The following INA variants were observed in gnomAD, a reference collection of about 807,000 sequenced individuals.
The protein encoded by INA is alpha-internexin.
INA carries 35 observed loss-of-function variants against 40.1 expected under a neutral mutation model. That is an observed-to-expected ratio of 0.87 (90% confidence interval 0.67 to 1.16). The LOEUF (loss-of-function observed/expected upper bound fraction) is 1.16, where lower values mean the gene tolerates loss of function less well. INA is among the 50% of genes most tolerant of loss of function. The pLI, the probability that INA is intolerant of heterozygous loss-of-function variation, is 0.00. For synonymous variants in INA, 290 were observed against 316.9 expected (o/e 0.92, Z 0.90); for missense variants, 594 against 686.7 (o/e 0.87, Z 1.51).
intron 1 of INA, among the ~76,000 whole-genome samples, chr10:103,282,818 C>T (rs373287984): frequency 7.9e-5 from 12 of 151,756 alleles, no homozygotes; most frequent in African/African-American, 1.2e-4. Context: ...TGTTACTTTT[C>T]GTAGTTATCT....
Position 103,289,455 on chromosome 10 carries a change from T to A in INA, c.*786T>A, listed in dbSNP as rs765623563. ...AATAATGCAAAGAATCCCTAGACTT[T>A]AGGCTTTCAGCTTACACAAATCTAT... On this transcript the variant is annotated 3_prime_UTR_variant, in exon 3 of 3. Transcript: ENST00000369849. 1.3e-5 allele frequency: 2 copies of A among 152,680 alleles called. No homozygotes were observed. The highest frequency in any genetic ancestry group is 2.9e-5 in the Non-Finnish European group (2 of 68,044). The allele number at this position is 152,680 out of a possible 1,614,324, so 9.5% of individuals were successfully genotyped here.
In INA at chr10:103,277,713, C is replaced by A; in HGVS notation, c.502C>A (p.Arg168Ser). ...GGCTCGCTCGCAGGCCCTGCTGGAG[C>A]GCGACGGGCTGGCGGAGGAGGTGCA... Reference protein sequence around the residue: ...SSARSQALLERDGLAEEVQRL... With the variant: ...SSARSQALLESDGLAEEVQRL... Residue 168 changes from arginine to serine, a missense_variant, in exon 1 of 3, where the codon CGC becomes AGC. Transcript: ENST00000369849. The surrounding 1 kb of genome is among the most constrained non-coding windows in gnomAD (Gnocchi z 5.6). 3.6e-6 allele frequency: 5 copies of A among 1,387,474 alleles called. No homozygotes were observed. Among genetic ancestry groups the A allele is most frequent in the Non-Finnish European group, 3.7e-6 (4 of 1,082,864 alleles). 85.9% of individuals were successfully genotyped at this position (1,387,474 alleles called of 1,614,324 possible).
At chr10:103,285,791 T>C (rs1251444589) in intron 1 of INA, among the ~76,000 whole-genome samples, 2 of 152,002 alleles carry the variant, frequency 1.3e-5, no homozygotes, top group African/African-American at 4.8e-5. Flanking sequence ...CTAATTTTTG[T>C]ATTTTTAGTA....
intron 1 of INA, among the ~76,000 whole-genome samples, chr10:103,282,051 C>G (rs780278401): frequency 6.6e-6 from 1 of 152,226 alleles, no homozygotes; most frequent in Non-Finnish European, 1.5e-5. Flanking sequence ...AAGACACAGC[C>G]TGATGTGGGG....
chr10:103,284,146 C>A (rs1199564538), intron 1 of INA, among the ~76,000 whole-genome samples: 1 of 146,398 alleles, frequency 6.8e-6, no homozygotes, highest in Admixed American at 6.8e-5. Context: ...CTTGCTGTGT[C>A]GCCCAGGCTG....
chr10:103,287,532 C>T (rs934599384), intron 2 of INA, among the ~76,000 whole-genome samples: 11 of 151,940 alleles, frequency 7.2e-5, no homozygotes, highest in Admixed American at 7.2e-4. Context: ...ATCAGGAGTT[C>T]AAGACCAGCC....
intron 1 of INA, among the ~76,000 whole-genome samples, chr10:103,281,361 T>G (rs755880450): frequency 6.6e-6 from 1 of 152,104 alleles, no homozygotes; most frequent in Non-Finnish European, 1.5e-5. Flanking sequence ...CTTAAAAAAA[T>G]TATCAGGCCC....
Position 103,277,734 on chromosome 10 carries a change from G to T in INA, c.523G>T (p.Val175Leu), listed in dbSNP as rs1464996439. 1.3e-5 allele frequency: 19 copies of T among 1,416,290 alleles called. No homozygotes were observed. The allele number at this position is 1,416,290 out of a possible 1,614,324, so 87.7% of individuals were successfully genotyped here. A position where few individuals can be genotyped will look rare whatever the true frequency, so the allele number is the denominator to read the frequency against. ...LLERDGLAEE[V>L]QRLRARCEEE... ...GGAGCGCGACGGGCTGGCGGAGGAGGTGCAGCGGCTGCGGGCGCGCTGCGA... is the reference window on the plus strand; with the variant it reads ...GGAGCGCGACGGGCTGGCGGAGGAGTTGCAGCGGCTGCGGGCGCGCTGCGA... The change falls in exon 1 of 3, where the codon GTG becomes TTG. Residue 175 changes from valine (V) to leucine (L), a missense_variant. By Grantham distance (32) the Val-to-Leu change is conservative. This residue lies in a region of INA where 379 missense variants were observed against 496.1 expected (regional missense o/e 0.76). Coordinates refer to ENST00000369849, the MANE Select transcript of INA (RefSeq NM_032727.4). This position sits in a 1 kb window ranked among gnomAD's most constrained non-coding sequence, Gnocchi z 5.6.
At position 103,277,226 on chromosome 10, in the gene INA, G is replaced by C. The variant is rs377641394; in HGVS notation, c.15G>C (p.Ser5=). The change falls in exon 1 of 3, where the codon TCG becomes TCC. Residue 5 remains serine, a synonymous_variant. Coordinates refer to ENST00000369849, the MANE Select transcript of INA (RefSeq NM_032727.4). The surrounding 1 kb of genome is among the most constrained non-coding windows in gnomAD (Gnocchi z 5.6). Reference sequence around the variant, plus strand: ...ATCCCGGCACCATGAGCTTCGGCTCGGAGCACTACCTGTGCTCCTCCTCCT... The same window carrying C: ...ATCCCGGCACCATGAGCTTCGGCTCCGAGCACTACCTGTGCTCCTCCTCCT... MSFG[S]EHYLCSSSSY... The C allele has an allele frequency of 3.2e-6, 5 of 1,581,240 alleles. No homozygotes were observed. The highest frequency in any genetic ancestry group is 1.8e-5 in the Admixed American group (1 of 57,108).
chr10:103,288,118 T>C (rs1364210191), intron 2 of INA, among the ~76,000 whole-genome samples: 1 of 152,178 alleles, frequency 6.6e-6, no homozygotes, highest in Non-Finnish European at 1.5e-5. Context: ...GTGAACAGGA[T>C]AGGTTTTCCT....
intron 1 of INA, among the ~76,000 whole-genome samples, chr10:103,283,879 T>C (rs899021615): frequency 2.7e-5 from 4 of 150,500 alleles, no homozygotes; most frequent in Non-Finnish European, 4.4e-5. Flanking sequence ...GCCTCCAGAG[T>C]AGCTGGGATT....
At chr10:103,280,156 T>A in intron 1 of INA, 1 of 985,438 alleles carries the variant, frequency 1.0e-6, no homozygotes, top group East Asian at 1.1e-4. Context: ...CATCCAGACA[T>A]GGTCTACAGG....
chr10:103,278,905 A>G lies in INA; in HGVS notation c.1065+629A>G, dbSNP rs990066675. Among the ~76,000 whole-genome samples, 14 of 145,470 alleles carry G rather than the reference A, an allele frequency of 9.6e-5. No individual in the cohort carries two copies. Among genetic ancestry groups the G allele is most frequent in the African/African-American group, 2.8e-4 (11 of 39,428 alleles). ...ACACACGATTCCCTTGTCCACCAGC[A>G]CACACACACACACACACACACACAC... On this transcript the variant is annotated intron_variant, in intron 1 of 2. Transcript: ENST00000369849. The surrounding 1 kb of genome is among the most constrained non-coding windows in gnomAD (Gnocchi z 4.9).
chr10:103,285,079 A>G (rs1272446845), intron 1 of INA, among the ~76,000 whole-genome samples: 4 of 151,766 alleles, frequency 2.6e-5, no homozygotes, highest in Non-Finnish European at 5.9e-5. Flanking sequence ...CGCCTCCCAG[A>G]TTCAAACAAT....
Position 103,277,528 on chromosome 10 carries a change from C to G in INA, c.317C>G (p.Ala106Gly). The change falls in exon 1 of 3, where the codon GCC becomes GGC. Residue 106 changes from alanine to glycine, a missense_variant. Physicochemically the swap from Ala to Gly is moderately conservative, Grantham distance 60. Coordinates refer to ENST00000369849, the MANE Select transcript of INA (RefSeq NM_032727.4). This position sits in a 1 kb window ranked among gnomAD's most constrained non-coding sequence, Gnocchi z 5.6. The stretch of plus-strand genomic sequence containing the variant: ...CTGCAGGGCCTCAACGACCGCTTCG[C>G]CGTGTTCATCGAGAAGGTGCATCAG... ...EQLQGLNDRF[A>G]VFIEKVHQLE... 6.3e-7 allele frequency: 1 copy of G among 1,586,650 alleles called. No individual in the cohort carries two copies. Among genetic ancestry groups the G allele is most frequent in the Non-Finnish European group, 8.5e-7 (1 of 1,170,302 alleles).
chr10:103,286,944 G>A (rs1220914449), intron 1 of INA, 91 bp from the exon 2 acceptor site: 10 of 1,328,854 alleles, frequency 7.5e-6, no homozygotes, highest in East Asian at 4.7e-5. Flanking sequence ...TGATTTTAAT[G>A]TGTAGTCAGG....
chr10:103,277,193 C>A lies in INA; in HGVS notation c.-19C>A. 1 of 1,563,462 alleles carries A rather than the reference C, an allele frequency of 6.4e-7. No homozygotes were observed. Among genetic ancestry groups the A allele is most frequent in the Non-Finnish European group, 8.6e-7 (1 of 1,160,234 alleles). On this transcript the variant is annotated 5_prime_UTR_variant, in exon 1 of 3. Transcript: ENST00000369849. The surrounding 1 kb of genome is among the most constrained non-coding windows in gnomAD (Gnocchi z 5.6). The stretch of plus-strand genomic sequence containing the variant: ...GTAGCTCGCGTTGAAGCCGCACGTC[C>A]GGCCCCGATCCCGGCACCATGAGCT...
chr10:103,285,037 G>A (rs1320340157), intron 1 of INA, among the ~76,000 whole-genome samples: 1 of 152,040 alleles, frequency 6.6e-6, no homozygotes, highest in Admixed American at 6.5e-5. Flanking sequence ...AGGCTGGAGT[G>A]CAATGGCACG....
chr10:103,288,647 C>G lies in INA; in HGVS notation c.1478C>G (p.Thr493Ser). Residue 493 changes from threonine to serine, a missense_variant, in exon 3 of 3, where the codon ACC becomes AGC. Coordinates refer to ENST00000369849, the MANE Select transcript of INA (RefSeq NM_032727.4). The part of the protein sequence containing the change: ...KTEKSNIEET[T>S]ISSQKI ...GAGAAATCAAATATAGAAGAAACCA[C>G]CATTTCAAGCCAAAAAATATAATTC... 1.3e-6 allele frequency: 2 copies of G among 1,572,360 alleles called. No individual in the cohort carries two copies. The highest frequency in any genetic ancestry group is 8.6e-7 in the Non-Finnish European group (1 of 1,162,934).
Sources: allele counts gnomAD v4.1 joint callset (sites outside exome capture counted in the v4.1 genomes callset), GRCh38; gene constraint gnomAD v4.1.1; regional missense constraint gnomAD v4.1.1; non-coding constraint Gnocchi (gnomAD v3.1); transcripts MANE v1.5; gene names NCBI Gene and HGNC (gene_info 2026-07-23, HGNC 2026-07-21).